RPF1: variants seen among roughly 807,000 people sequenced by gnomAD.
The protein encoded by RPF1 is ribosome production factor 1.
A neutral mutation model predicts 41.9 loss-of-function variants in RPF1; 34 were observed. The ratio of observed to expected loss-of-function variants is 0.81; its 90% CI spans 0.62 to 1.08. The LOEUF is 1.08. Ranked by LOEUF, RPF1 falls within the 50% of genes least tolerant of loss-of-function variation. The pLI, the probability that RPF1 is intolerant of heterozygous loss-of-function variation, is 0.00. For missense variants in RPF1, 425 were observed against 435.2 expected (o/e 0.98, Z 0.21); for synonymous variants, 140 against 148.9 (o/e 0.94, Z 0.43).
At chr1:84,485,439 A>G (rs1244836751) in intron 3 of RPF1, among the ~76,000 whole-genome samples, 1 of 152,174 alleles carries the variant, frequency 6.6e-6, no homozygotes, top group Non-Finnish European at 1.5e-5. Context: ...GATTTTGTGC[A>G]TGACACAAAC....
rs1293704218 is a variant in RPF1, at chr1:84,479,527, G to T, written c.228+18G>T. On this transcript the variant is annotated intron_variant, in intron 1 of 8. Transcript: ENST00000370654. ...AGCGGAAGGTACGCGAGAGGCGGGG[G>T]CTGCCGGGCGCTTGCGCGTTGTTCC... 3 of 1,610,348 alleles carry T rather than the reference G, an allele frequency of 1.9e-6. No individual in the cohort carries two copies. Among genetic ancestry groups the T allele is most frequent in the East Asian group, 2.2e-5 (1 of 44,828 alleles).
At chr1:84,494,747 A>G (rs1469286625) in intron 5 of RPF1, among the ~76,000 whole-genome samples, 1 of 152,226 alleles carries the variant, frequency 6.6e-6, no homozygotes, top group African/African-American at 2.4e-5. Context: ...CATGTCTAGC[A>G]TAATTCTCAG....
chr1:84,487,512 T>C (rs1681757018), intron 3 of RPF1, among the ~76,000 whole-genome samples: 5 of 152,182 alleles, frequency 3.3e-5, no homozygotes, highest in Admixed American at 2.6e-4. Context: ...CAATTCTTCA[T>C]ACATATTAAA....
rs373661869 is a variant in RPF1, at chr1:84,495,998, A to G, written c.816A>G (p.Gln272=). 33 of 1,612,260 alleles carry G rather than the reference A, an allele frequency of 2.0e-5. No individual in the cohort carries two copies. Among genetic ancestry groups the G allele is most frequent in the African/African-American group, 6.7e-5 (5 of 74,978 alleles). The change falls in exon 7 of 9, where the codon CAA becomes CAG. Residue 272 remains glutamine (Q), a synonymous_variant. Transcript: ENST00000370654. The part of the protein sequence containing the change: ...MFASLFPHNP[Q]FIGRQVATFH... Reference sequence around the variant, plus strand: ...CATCTCTCTTTCCTCATAATCCTCAATTTATCGGAAGGCAGGTTGCCACAT... The same window carrying G: ...CATCTCTCTTTCCTCATAATCCTCAGTTTATCGGAAGGCAGGTTGCCACAT...
At chr1:84,496,666 A>G (rs1681941522) in intron 8 of RPF1, among the ~76,000 whole-genome samples, 1 of 151,994 alleles carries the variant, frequency 6.6e-6, no homozygotes, top group South Asian at 2.1e-4. Context: ...GACCAGCACC[A>G]TTACCTAGGA....
chr1:84,484,683 C>CTT (rs34645953), intron 3 of RPF1, among the ~76,000 whole-genome samples: 4 of 141,078 alleles, frequency 2.8e-5, no homozygotes, highest in Non-Finnish European at 3.1e-5. Flanking sequence ...GACCAGAAGT[C>CTT]TTTTTTTTTT....
intron 8 of RPF1, 108 bp from the exon 9 acceptor site, chr1:84,497,321 G>A (rs1681959839): frequency 1.2e-6 from 1 of 843,144 alleles, no homozygotes; most frequent in East Asian, 2.6e-5. Context: ...TTCAGCACTA[G>A]TGTTACTTAT....
At chr1:84,480,444 G>A (rs1005380777) in intron 1 of RPF1, among the ~76,000 whole-genome samples, 1 of 152,168 alleles carries the variant, frequency 6.6e-6, no homozygotes, top group African/African-American at 2.4e-5. Flanking sequence ...ATAATCTTAA[G>A]CCACCTTGCA....
intron 3 of RPF1, among the ~76,000 whole-genome samples, chr1:84,485,999 G>A (rs961670857): frequency 5.9e-5 from 9 of 152,092 alleles, no homozygotes; most frequent in Non-Finnish European, 1.2e-4. Context: ...TTGAGAAATT[G>A]ACCTTTTAGC....
chr1:84,483,845 C>T (rs751957018), intron 3 of RPF1, among the ~76,000 whole-genome samples: 5 of 152,136 alleles, frequency 3.3e-5, no homozygotes, highest in Non-Finnish European at 5.9e-5. Context: ...TTTCTCATAT[C>T]TCCTGGTATA....
chr1:84,494,352 GC>G (rs1681891236), intron 5 of RPF1, among the ~76,000 whole-genome samples: 1 of 152,174 alleles, frequency 6.6e-6, no homozygotes, highest in South Asian at 2.1e-4. Flanking sequence ...GAGTGTTGAT[GC>G]CATTGTAAAA....
At chr1:84,482,193 T>A (rs921098364) in intron 2 of RPF1, among the ~76,000 whole-genome samples, 1 of 152,234 alleles carries the variant, frequency 6.6e-6, no homozygotes, top group African/African-American at 2.4e-5. Context: ...ATAGCTCTGC[T>A]AGTGTACATA....
At chr1:84,483,323 GT>G in intron 3 of RPF1, 2 of 239,040 alleles carry the variant, frequency 8.4e-6, no homozygotes, top group Middle Eastern at 3.5e-3. Context: ...CTGGAGTGCA[GT>G]GGTGTGATCT....
intron 3 of RPF1, among the ~76,000 whole-genome samples, chr1:84,485,471 A>ATGAGG (rs201063864): frequency 0.013 from 1,920 of 152,324 alleles, 39 homozygotes; most frequent in African/African-American, 0.043. Context: ...ACCCCATCAC[A>ATGAGG]TGAGGTGAGG....
rs769712269 is a variant in RPF1, at chr1:84,480,983, A to G, written c.256A>G (p.Lys86Glu). 1 of 1,595,514 alleles carries G rather than the reference A, an allele frequency of 6.3e-7. No individual in the cohort carries two copies. Among genetic ancestry groups the G allele is most frequent in the Non-Finnish European group, 8.6e-7 (1 of 1,166,160 alleles). The change falls in exon 2 of 9, where the codon AAA becomes GAA. Residue 86 changes from lysine to glutamate, a missense_variant. Transcript: ENST00000370654. The stretch of plus-strand genomic sequence containing the variant: ...AAAGTTGGCAGCTAAGAAAAAACTT[A>G]AAAAAGAAAGAGAGGCTCTTGGCGA... The part of the protein sequence containing the change: ...KEKLAAKKKL[K>E]KEREALGDKA...
At chr1:84,489,242 GTC>G (rs1423500633) in intron 3 of RPF1, among the ~76,000 whole-genome samples, 1 of 151,940 alleles carries the variant, frequency 6.6e-6, no homozygotes, top group Non-Finnish European at 1.5e-5. Flanking sequence ...AAATCTGAGT[GTC>G]TCTCAATGGA....
chr1:84,497,408 T>G (rs781309758), intron 8 of RPF1, 21 bp from the exon 9 acceptor site: 1 of 1,604,814 alleles, frequency 6.2e-7, no homozygotes, highest in South Asian at 1.1e-5. Context: ...CTTCCTCCAC[T>G]CCCTTGCTTT....
At chr1:84,481,946 A>G (rs1239143350) in intron 2 of RPF1, among the ~76,000 whole-genome samples, 1 of 152,222 alleles carries the variant, frequency 6.6e-6, no homozygotes, top group Non-Finnish European at 1.5e-5. Context: ...AATTGTCAAT[A>G]GTAGACTGTT....
rs774262001 is a variant in RPF1, at chr1:84,483,036, T to A, written c.366+41T>A. 8 of 1,221,602 alleles carry A rather than the reference T, an allele frequency of 6.5e-6. 1 individual carries two copies. In the Admixed American group the frequency reaches 1.4e-4, roughly 21 times the overall value. The allele number at this position is 1,221,602 out of a possible 1,614,324, so 75.7% of individuals were successfully genotyped here. On this transcript the variant is annotated intron_variant, in intron 3 of 8. Transcript: ENST00000370654. ...TTAAATTAGTTTGAATGATCACATA[T>A]AATTGATAAATTATATGTTTTTTTG...
Sources: gnomAD v4.1 joint callset for allele counts (sites outside exome capture counted in the v4.1 genomes callset) on GRCh38, gnomAD v4.1.1 for gene constraint, MANE v1.5 for transcripts, NCBI Gene and HGNC (gene_info 2026-07-23, HGNC 2026-07-21) for gene names.